PWWP3B: variants seen among roughly 807,000 people sequenced by gnomAD.
The protein encoded by PWWP3B is PWWP domain-containing DNA repair factor 3B.
Under a neutral mutation model 15.7 loss-of-function variants are expected in PWWP3B, and 5 were observed. That is an observed-to-expected ratio of 0.32 (90% CI 0.17 to 0.67). The LOEUF (loss-of-function observed/expected upper bound fraction) is 0.67. Ranked by LOEUF, PWWP3B falls within the 30% of genes least tolerant of loss-of-function variation. The pLI is 0.74. For missense variants in PWWP3B, 519 were observed against 493.1 expected, an observed-to-expected ratio of 1.05 and a Z score of -0.50; for synonymous variants, 203 against 179.8, an observed-to-expected ratio of 1.13 and a Z score of -1.03.
At chrX:106,200,765 C>T (rs1342030423) in intron 2 of PWWP3B, among the ~76,000 whole-genome samples, 1 of 111,476 alleles carries the variant, frequency 9.0e-6, no homozygotes, top group Non-Finnish European at 1.9e-5. Context: ...AACAGAATTG[C>T]CGGCCGGGCG....
At chrX:106,190,887 C>G (rs936039982) in intron 2 of PWWP3B, among the ~76,000 whole-genome samples, 6 of 111,082 alleles carry the variant, frequency 5.4e-5, no homozygotes, top group African/African-American at 1.6e-4. Flanking sequence ...GGGCTCTGTT[C>G]TGTTCCATTG....
intron 2 of PWWP3B, among the ~76,000 whole-genome samples, chrX:106,193,259 C>T (rs1181997816): frequency 2.7e-5 from 3 of 111,490 alleles, no homozygotes; most frequent in African/African-American, 9.8e-5. Flanking sequence ...ATAGTTAGCT[C>T]TTCTTGTTGA....
At chrX:106,183,914 T>A (rs1296027120) in intron 2 of PWWP3B, among the ~76,000 whole-genome samples, 1 of 112,395 alleles carries the variant, frequency 8.9e-6, no homozygotes, top group African/African-American at 3.2e-5. Flanking sequence ...TGGGGCAGTG[T>A]GCCTTCCAGT....
At chrX:106,184,619 C>T (rs1922396804) in intron 2 of PWWP3B, among the ~76,000 whole-genome samples, 1 of 111,893 alleles carries the variant, frequency 8.9e-6, no homozygotes, top group Non-Finnish European at 1.9e-5. Context: ...TCTTGGGCTG[C>T]AGCTAAAACT....
Position 106,206,830 on chromosome X carries a change from T to C in PWWP3B, c.1398T>C (p.Ile466=), listed in dbSNP as rs1924058142. 8.3e-7 allele frequency: 1 copy of C among 1,210,611 alleles called. No homozygotes were observed. Among genetic ancestry groups the C allele is most frequent in the Non-Finnish European group, 1.1e-6 (1 of 894,428 alleles). ...DKAREDYSES[I]DWCISLICDY... is the part of the protein sequence containing the mutation. ...CCAGGGAGGATTATAGTGAGAGTATTGACTGGTGCATCTCACTAATTTGTG... is the reference window on the plus strand; with the variant it reads ...CCAGGGAGGATTATAGTGAGAGTATCGACTGGTGCATCTCACTAATTTGTG... Residue 466 remains isoleucine, a synonymous_variant, in exon 4 of 4, where the codon ATT becomes ATC. Coordinates refer to ENST00000357175, the MANE Select transcript of PWWP3B (RefSeq NM_001171020.2).
chrX:106,189,124 TGA>T (rs1268718804), intron 2 of PWWP3B, among the ~76,000 whole-genome samples: 2 of 112,574 alleles, frequency 1.8e-5, no homozygotes, highest in African/African-American at 6.5e-5. Flanking sequence ...CAGCAATGTA[TGA>T]GAGTTCCAGT....
At chrX:106,176,543 A>G (rs1203606029) in intron 2 of PWWP3B, among the ~76,000 whole-genome samples, 1 of 112,037 alleles carries the variant, frequency 8.9e-6, no homozygotes, top group Non-Finnish European at 1.9e-5. Context: ...TGAATTGTCT[A>G]TTTATGTCTT....
Position 106,205,217 on chromosome X carries a change from A to G in PWWP3B, c.-214-2A>G, listed in dbSNP as rs1602874021. 2 of 323,418 alleles carry G rather than the reference A, an allele frequency of 6.2e-6. No individual in the cohort carries two copies. Among genetic ancestry groups the G allele is most frequent in the African/African-American group, 5.4e-5 (2 of 37,199 alleles). The allele number at this position is 323,418 out of a possible 1,213,427, so 26.7% of individuals were successfully genotyped here. A position where few individuals can be genotyped will look rare whatever the true frequency, so the allele number is the denominator to read the frequency against. ...TTCTTCTTTTCCTTTTCCCTGTTTC[A>G]GTATCTTCCGGTATCATCCTATTCA... On this transcript the variant is annotated splice_acceptor_variant, in intron 3 of 3. Transcript: ENST00000357175. LOFTEE classifies it low-confidence loss of function (5UTR_SPLICE).
intron 2 of PWWP3B, among the ~76,000 whole-genome samples, chrX:106,191,827 A>G (rs919406357): frequency 8.9e-6 from 1 of 111,793 alleles, no homozygotes; most frequent in Non-Finnish European, 1.9e-5. Context: ...GGTTCTGTTT[A>G]TATGTTGGAT....
chrX:106,206,384 G>A lies in PWWP3B; in HGVS notation c.952G>A (p.Glu318Lys), dbSNP rs868050032. 9.9e-6 allele frequency: 12 copies of A among 1,207,256 alleles called. No homozygotes were observed. Among genetic ancestry groups the A allele is most frequent in the East Asian group, 3.0e-5 (1 of 33,765 alleles). The change falls in exon 4 of 4, where the codon GAG (glutamate) becomes AAG (lysine). Residue 318 changes from glutamate to lysine, a missense_variant. Physicochemically the swap from Glu to Lys is moderately conservative, Grantham distance 56. Transcript: ENST00000357175. ...ACPGSCSREC[E>K]VSFSASNPVW... is the part of the protein sequence containing the mutation. The stretch of plus-strand genomic sequence containing the variant: ...CCCTGGGAGTTGTTCAAGGGAATGC[G>A]AGGTTTCATTTAGTGCCTCTAACCC...
chrX:106,196,917 T>G (rs1357763938), intron 2 of PWWP3B, among the ~76,000 whole-genome samples: 2 of 111,492 alleles, frequency 1.8e-5, no homozygotes, highest in African/African-American at 6.5e-5. Flanking sequence ...TTTTCAACGA[T>G]TTTCCACTCT....
chrX:106,189,897 G>A (rs772430334), intron 2 of PWWP3B, among the ~76,000 whole-genome samples: 120 of 112,565 alleles, frequency 1.1e-3, no homozygotes, highest in Non-Finnish European at 1.8e-3. Context: ...GATTACAGGC[G>A]TGAGCCACCG....
intron 2 of PWWP3B, among the ~76,000 whole-genome samples, chrX:106,198,259 C>G (rs1923495402): frequency 9.0e-6 from 1 of 111,167 alleles, no homozygotes; most frequent in Non-Finnish European, 1.9e-5. Context: ...ATAGCCACAC[C>G]CTTCCCCACC....
chrX:106,205,884 C>T lies in PWWP3B; in HGVS notation c.452C>T (p.Ser151Leu). The change falls in exon 4 of 4, where the codon TCA becomes TTA. Residue 151 changes from serine to leucine, a missense_variant. Ser to Leu is a moderately radical substitution (Grantham distance 145). Transcript: ENST00000357175. The part of the protein sequence containing the change: ...LPGCLEEREN[S>L]ACLLASSESD... ...GGGTGTCTTGAGGAAAGGGAAAACT[C>T]AGCATGCTTGTTAGCATCTTCAGAG... The T allele has an allele frequency of 8.3e-7, 1 of 1,211,389 alleles. No individual in the cohort carries two copies. The highest frequency in any genetic ancestry group is 1.1e-6 in the Non-Finnish European group (1 of 895,284).
rs758442455 is a variant in PWWP3B at position 106,176,049 on chromosome X, G to A, written c.-401+4910G>A. On this transcript the variant is annotated intron_variant, in intron 2 of 3. Transcript: ENST00000357175. ...TACAAGAGGAAGAGGAAGTTGCGGG[G>A]TATTGATTATTGTGAGAATCAAATG... Among the ~76,000 whole-genome samples the A allele has an allele frequency of 1.2e-4, 13 of 111,091 alleles. No individual in the cohort carries two copies. The South Asian group carries it at 5.0e-3, about 42-fold the overall frequency.
chrX:106,206,433 T>C lies in PWWP3B; in HGVS notation c.1001T>C (p.Met334Thr), dbSNP rs200704905. The change falls in exon 4 of 4, where the codon ATG (methionine) becomes ACG (threonine). Residue 334 changes from methionine to threonine, a missense_variant. Coordinates refer to ENST00000357175, the MANE Select transcript of PWWP3B (RefSeq NM_001171020.2). ...SNPVWDYSHL[M>T]SSERNFQRLD... is the part of the protein sequence containing the mutation. Reference sequence around the variant, plus strand: ...CCTGTCTGGGATTATTCACATCTTATGAGTAGTGAAAGAAATTTTCAGAGA... The same window carrying C: ...CCTGTCTGGGATTATTCACATCTTACGAGTAGTGAAAGAAATTTTCAGAGA... The C allele has an allele frequency of 3.0e-3, 3,587 of 1,208,445 alleles. 8 individuals carry two copies. The highest frequency in any genetic ancestry group is 3.0e-3 in the Non-Finnish European group (2,686 of 894,440).
At chrX:106,200,857 G>A (rs982137950) in intron 2 of PWWP3B, among the ~76,000 whole-genome samples, 1 of 110,141 alleles carries the variant, frequency 9.1e-6, no homozygotes, top group African/African-American at 3.3e-5. Flanking sequence ...GATCATCCTG[G>A]CTAACACGGT....
chrX:106,184,082 T>C (rs1202265300), intron 2 of PWWP3B, among the ~76,000 whole-genome samples: 1 of 111,955 alleles, frequency 8.9e-6, no homozygotes, highest in African/African-American at 3.2e-5. Flanking sequence ...GGTTTGTTTG[T>C]CTGAAGGCCA....
chrX:106,180,018 T>A (rs1254347149), intron 2 of PWWP3B, among the ~76,000 whole-genome samples: 1 of 111,277 alleles, frequency 9.0e-6, no homozygotes, highest in Non-Finnish European at 1.9e-5. Flanking sequence ...CCATTATGAA[T>A]CTCCGACTTC....
Sources: gnomAD v4.1 joint callset for allele counts (sites outside exome capture counted in the v4.1 genomes callset) on GRCh38, gnomAD v4.1.1 for gene constraint, MANE v1.5 for transcripts, NCBI Gene and HGNC (gene_info 2026-07-23, HGNC 2026-07-21) for gene names.